The following PCDHGB5 variants were observed in gnomAD, a reference collection of about 807,000 sequenced individuals.
PCDHGB5 encodes the protein protocadherin gamma-B5.
PCDHGB5 carries 48 observed loss-of-function variants against 62.9 expected under a neutral mutation model. That is an observed-to-expected ratio of 0.76 (90% CI 0.61 to 0.97). The LOEUF is 0.97. Ranked by LOEUF, PCDHGB5 falls within the 50% of genes least tolerant of loss-of-function variation. PCDHGB5 has a pLI of 0.00. For missense variants in PCDHGB5, 1,118 were observed against 1,198.6 expected (o/e 0.93, Z 0.99); for synonymous variants, 474 against 511.2 (o/e 0.93, Z 0.98).
chr5:141,415,906 A>G, intron 1 of PCDHGB5: 1 of 784,990 alleles, frequency 1.3e-6, no homozygotes, highest in Non-Finnish European at 1.8e-6. Context: ...ACAGACTTCC[A>G]TACAGAAGTG....
chr5:141,510,582 A>G (rs1156375287), intron 3 of PCDHGB5, among the ~76,000 whole-genome samples: 2 of 152,166 alleles, frequency 1.3e-5, no homozygotes, highest in Non-Finnish European at 2.9e-5. Context: ...TATTTTACGT[A>G]CCTGACATAC....
chr5:141,433,939 A>T (rs1015984226), intron 1 of PCDHGB5, among the ~76,000 whole-genome samples: 2 of 151,714 alleles, frequency 1.3e-5, no homozygotes, highest in Non-Finnish European at 2.9e-5. Context: ...TTATAATTCC[A>T]TTGTTTCTTC....
rs769671283 is a variant in PCDHGB5, at chr5:141,511,391, C to T, written c.*218C>T. On this transcript the variant is annotated 3_prime_UTR_variant, in exon 4 of 4. Transcript: ENST00000617380. Reference sequence around the variant, plus strand: ...TGCAAAAGCAGTTCCGCTGGGAACCCCCATCCAATCAACTGCTGTACCCAT... The same window carrying T: ...TGCAAAAGCAGTTCCGCTGGGAACCTCCATCCAATCAACTGCTGTACCCAT... The T allele has an allele frequency of 6.4e-5, 69 of 1,079,630 alleles. No individual in the cohort carries two copies. The highest frequency in any genetic ancestry group is 1.5e-4 in the Admixed American group (5 of 34,354). 66.9% of individuals were successfully genotyped at this position (1,079,630 alleles called of 1,614,324 possible). A position where few individuals can be genotyped will look rare whatever the true frequency, so the allele number is the denominator to read the frequency against.
chr5:141,497,730 G>T (rs13182286), intron 2 of PCDHGB5, among the ~76,000 whole-genome samples: 247 of 152,136 alleles, frequency 1.6e-3, no homozygotes, highest in Non-Finnish European at 2.8e-3. Flanking sequence ...AGTAGAGATG[G>T]GTTTCGCCAC....
intron 3 of PCDHGB5, among the ~76,000 whole-genome samples, chr5:141,510,092 T>C (rs973542449): frequency 6.6e-6 from 1 of 152,138 alleles, no homozygotes; most frequent in South Asian, 2.1e-4. Flanking sequence ...TGGCACACAG[T>C]AGGTGCTCAA....
rs753256077 is a variant in PCDHGB5 at position 141,431,467 on chromosome 5, C to A, written c.2397+30943C>A. On this transcript the variant is annotated intron_variant, in intron 1 of 3. Coordinates refer to ENST00000617380, the MANE Select transcript of PCDHGB5 (RefSeq NM_018925.3). The surrounding 1 kb of genome is among the most constrained non-coding windows in gnomAD (Gnocchi z 4.8). The stretch of plus-strand genomic sequence containing the variant: ...TCCGCGTGATGGTTCTGGATGCGAA[C>A]GACAACGCACCAGCGTTTGCTCAGC... 1.9e-5 allele frequency: 31 copies of A among 1,613,684 alleles called. No homozygotes were observed. The highest frequency in any genetic ancestry group is 3.4e-6 in the Non-Finnish European group (4 of 1,179,964).
At position 141,432,203 on chromosome 5, in the gene PCDHGB5, G is replaced by A. The variant is rs1282888078; in HGVS notation, c.2397+31679G>A. The A allele has an allele frequency of 3.1e-6, 5 of 1,614,062 alleles. No homozygotes were observed. The highest frequency in any genetic ancestry group is 1.3e-5 in the African/African-American group (1 of 74,920). ...TGTGACCGCCCACGACCCCGACTGT[G>A]AAGAGAACGCCCAGATCACTTATTC... On this transcript the variant is annotated intron_variant, in intron 1 of 3. Transcript: ENST00000617380. The surrounding 1 kb of genome is among the most constrained non-coding windows in gnomAD (Gnocchi z 6.0).
At position 141,489,985 on chromosome 5, in the gene PCDHGB5, G is replaced by C. The variant is rs761481986; in HGVS notation, c.2398-4822G>C. ...AACCTTCCAATCCTCAGTTCTACGT[G>C]TGGGAATCCCAGAGAATGCACCCAT... On this transcript the variant is annotated intron_variant, in intron 1 of 3. Coordinates refer to ENST00000617380, the MANE Select transcript of PCDHGB5 (RefSeq NM_018925.3). This position sits in a 1 kb window ranked among gnomAD's most constrained non-coding sequence, Gnocchi z 4.5. 3 of 1,614,212 alleles carry C rather than the reference G, an allele frequency of 1.9e-6. No individual in the cohort carries two copies. The East Asian group carries it at 6.7e-5, about 36-fold the overall frequency.
intron 1 of PCDHGB5, chr5:141,403,394 C>A: frequency 6.2e-7 from 1 of 1,614,054 alleles, no homozygotes; most frequent in South Asian, 1.1e-5. Flanking sequence ...AATCGCGGTT[C>A]CTGGAGCACG....
intron 1 of PCDHGB5, chr5:141,414,676 CA>C (rs779931467): frequency 5.6e-5 from 91 of 1,613,916 alleles, no homozygotes; most frequent in Middle Eastern, 1.6e-4. Context: ...AGACACCATC[CA>C]GGGGGTACCT....
intron 1 of PCDHGB5, among the ~76,000 whole-genome samples, chr5:141,446,868 C>T (rs980547855): frequency 6.6e-6 from 1 of 152,160 alleles, no homozygotes; most frequent in Non-Finnish European, 1.5e-5. Flanking sequence ...TAGCTCTACA[C>T]TGGTATGTTT....
chr5:141,431,462 G>A lies in PCDHGB5; in HGVS notation c.2397+30938G>A. ...GCGCATCCGCGTGATGGTTCTGGAT[G>A]CGAACGACAACGCACCAGCGTTTGC... On this transcript the variant is annotated intron_variant, in intron 1 of 3. Transcript: ENST00000617380. This position sits in a 1 kb window ranked among gnomAD's most constrained non-coding sequence, Gnocchi z 4.8. 6.2e-7 allele frequency: 1 copy of A among 1,613,826 alleles called. No individual in the cohort carries two copies. The highest frequency in any genetic ancestry group is 2.2e-5 in the East Asian group (1 of 44,886).
chr5:141,398,152 G>T lies in PCDHGB5; in HGVS notation c.25G>T (p.Gly9Cys). The change falls in exon 1 of 4, where the codon GGC (glycine) becomes TGC (cysteine). Residue 9 changes from glycine (G) to cysteine (C), a missense_variant. Gly to Cys is a radical substitution (Grantham distance 159). Transcript: ENST00000617380. MGSGAGEL[G>C]RAERLPVLFL... ...GATGGGGAGCGGCGCCGGGGAGCTG[G>T]GCCGGGCTGAGAGGCTGCCAGTGCT... The T allele has an allele frequency of 5.3e-6, 8 of 1,498,488 alleles. No homozygotes were observed. Among genetic ancestry groups the T allele is most frequent in the Non-Finnish European group, 7.1e-6 (8 of 1,129,546 alleles). The allele number at this position is 1,498,488 out of a possible 1,614,324, so 92.8% of individuals were successfully genotyped here. A position where few individuals can be genotyped will look rare whatever the true frequency, so the allele number is the denominator to read the frequency against.
Position 141,476,036 on chromosome 5 carries a change from A to T in PCDHGB5, c.2398-18771A>T. ...ATGTCGGACTCGGCGCCCAGCGCCC[A>T]AGCGCTAACCCGCTGAAAGTTTCTC... On this transcript the variant is annotated intron_variant, in intron 1 of 3. Coordinates refer to ENST00000617380, the MANE Select transcript of PCDHGB5 (RefSeq NM_018925.3). This position sits in a 1 kb window ranked among gnomAD's most constrained non-coding sequence, Gnocchi z 7.6. 1.4e-6 allele frequency: 2 copies of T among 1,471,164 alleles called. No individual in the cohort carries two copies. The highest frequency in any genetic ancestry group is 1.8e-6 in the Non-Finnish European group (2 of 1,106,602). 91.1% of individuals were successfully genotyped at this position (1,471,164 alleles called of 1,614,324 possible).
intron 1 of PCDHGB5, among the ~76,000 whole-genome samples, chr5:141,454,796 ATTTTTTTTT>A (rs61612330): frequency 1.2e-4 from 9 of 77,408 alleles, no homozygotes; most frequent in Admixed American, 5.4e-4. Context: ...CATGGTTCTA[ATTTTTTTTT>A]TTTTTTTTTT....
chr5:141,496,342 G>A (rs1430202202), intron 2 of PCDHGB5, among the ~76,000 whole-genome samples: 1 of 152,208 alleles, frequency 6.6e-6, no homozygotes, highest in East Asian at 1.9e-4. Context: ...GAGCCTGGAG[G>A]AGTCTCAGAG....
rs771608897 is a variant in PCDHGB5, at chr5:141,490,857, C to T, written c.2398-3950C>T. 58 of 1,613,714 alleles carry T rather than the reference C, an allele frequency of 3.6e-5. 1 individual carries two copies. The highest frequency in any genetic ancestry group is 1.8e-4 in the Admixed American group (11 of 59,992). Reference sequence around the variant, plus strand: ...AGATTGTGGTGGGGGTTCGAGACTCCGGCTCTCCCCCATTGCATGCCAACA... The same window carrying T: ...AGATTGTGGTGGGGGTTCGAGACTCTGGCTCTCCCCCATTGCATGCCAACA... On this transcript the variant is annotated intron_variant, in intron 1 of 3. Transcript: ENST00000617380. The surrounding 1 kb of genome is among the most constrained non-coding windows in gnomAD (Gnocchi z 5.4).
chr5:141,502,750 A>G (rs974131144), intron 2 of PCDHGB5, among the ~76,000 whole-genome samples: 3 of 151,928 alleles, frequency 2.0e-5, no homozygotes, highest in Non-Finnish European at 4.4e-5. Context: ...TTCCTTCTAC[A>G]TGTATTTGCT....
At chr5:141,450,831 T>TA (rs761717068) in intron 1 of PCDHGB5, among the ~76,000 whole-genome samples, 7,796 of 144,584 alleles carry the variant, frequency 0.054, 354 homozygotes, top group African/African-American at 0.12. Context: ...TTATTATTAT[T>TA]TTTTTTTTTT....
Sources: allele counts gnomAD v4.1 joint callset (sites outside exome capture counted in the v4.1 genomes callset), GRCh38; gene constraint gnomAD v4.1.1; non-coding constraint Gnocchi (gnomAD v3.1); transcripts MANE v1.5; gene names NCBI Gene and HGNC (gene_info 2026-07-23, HGNC 2026-07-21).